ZC3H12B: variants seen among roughly 807,000 people sequenced by gnomAD.
ZC3H12B encodes the protein probable ribonuclease ZC3H12B.
Under a neutral mutation model 43.9 loss-of-function variants are expected in ZC3H12B, and 7 were observed. That is an observed-to-expected ratio of 0.16 (90% CI 0.09 to 0.30). The LOEUF (loss-of-function observed/expected upper bound fraction) is 0.30. Among genes scored for constraint, ZC3H12B ranks in the 10% least tolerant of loss-of-function variants. The pLI, the probability that ZC3H12B is intolerant of heterozygous loss-of-function variation, is 1.00. For missense variants in ZC3H12B, 475 were observed against 670.2 expected, an observed-to-expected ratio of 0.71 and a Z score of 3.22; for synonymous variants, 222 against 241.7, an observed-to-expected ratio of 0.92 and a Z score of 0.76.
chrX:65,483,516 G>A (rs1245371066), intron 3 of ZC3H12B, among the ~76,000 whole-genome samples: 1 of 111,061 alleles, frequency 9.0e-6, no homozygotes, highest in East Asian at 2.8e-4. Context: ...TTCTTTCTGG[G>A]GCTTGTGTAA....
At chrX:65,368,979 C>T (rs2066209883) in exon 2 of ZC3H12B, 1 of 111,818 alleles carries the variant, frequency 8.9e-6, no homozygotes, top group African/African-American at 3.2e-5. Context: ...AGACATTGGA[C>T]ATTTTTGAGG....
chrX:65,248,291 A>T, the ZC3H12B span, among the ~76,000 whole-genome samples: 1 of 111,125 alleles, frequency 9.0e-6, no homozygotes, highest in Admixed American at 9.6e-5. Flanking sequence ...TAGCCTCCCA[A>T]AGTGCTGGGA....
the ZC3H12B span, among the ~76,000 whole-genome samples, chrX:65,174,914 G>C: frequency 6.4e-5 from 7 of 108,863 alleles, no homozygotes; most frequent in African/African-American, 2.3e-4. Context: ...AGGTGCCAAT[G>C]GAGGAAAAAA....
the ZC3H12B span, among the ~76,000 whole-genome samples, chrX:65,218,777 A>G: frequency 1.8e-5 from 2 of 111,254 alleles, no homozygotes; most frequent in Non-Finnish European, 3.8e-5. Context: ...TGGGAGCTCT[A>G]TGGCCCCACC....
At chrX:65,362,841 A>G (rs977623728), upstream of ZC3H12B, among the ~76,000 whole-genome samples, 1 of 111,204 alleles carries the variant, frequency 9.0e-6, no homozygotes, top group Non-Finnish European at 1.9e-5. Flanking sequence ...TTAGTTCAGG[A>G]TCTGCACCTT....
Position 65,501,774 on chromosome X carries a change from G to A in ZC3H12B, c.1091-15G>A, listed in dbSNP as rs1200539327. ...TCACTGAGAGAGAGTCTTACCCCAA[G>A]GCATTATTTTTCAGGCAAAAAATGC... is the stretch of plus-strand genomic sequence containing the variant. On this transcript the variant is annotated splice_polypyrimidine_tract_variant and intron_variant, in intron 4 of 4. Coordinates refer to ENST00000338957, the Ensembl canonical transcript of ZC3H12B. 1 of 1,131,830 alleles carries A rather than the reference G, an allele frequency of 8.8e-7. No individual in the cohort carries two copies. The highest frequency in any genetic ancestry group is 1.2e-6 in the Non-Finnish European group (1 of 853,962). 93.3% of individuals were successfully genotyped at this position (1,131,830 alleles called of 1,213,427 possible). A position where few individuals can be genotyped will look rare whatever the true frequency, so the allele number is the denominator to read the frequency against.
At chrX:65,442,667 C>T (rs1031535719) in intron 3 of ZC3H12B, among the ~76,000 whole-genome samples, 1 of 112,271 alleles carries the variant, frequency 8.9e-6, no homozygotes, top group South Asian at 3.7e-4. Context: ...AAGAGTGTCC[C>T]AGTCAGTAGG....
At chrX:65,376,746 C>T (rs1474479550) in intron 2 of ZC3H12B, among the ~76,000 whole-genome samples, 6 of 111,795 alleles carry the variant, frequency 5.4e-5, no homozygotes, top group African/African-American at 9.8e-5. Flanking sequence ...ATACAGCTAA[C>T]GTCACAACAC....
chrX:65,107,786 G>A, the ZC3H12B span, among the ~76,000 whole-genome samples: 1 of 111,131 alleles, frequency 9.0e-6, no homozygotes, highest in Non-Finnish European at 1.9e-5. Flanking sequence ...TTTCCACCAT[G>A]ATTGTAAGTT....
chrX:65,217,703 A>G, the ZC3H12B span, among the ~76,000 whole-genome samples: 2 of 112,268 alleles, frequency 1.8e-5, no homozygotes, highest in African/African-American at 6.5e-5. Context: ...AAAGTTAATC[A>G]AAAGATGAAA....
chrX:65,254,137 C>A, the ZC3H12B span, among the ~76,000 whole-genome samples: 1 of 112,182 alleles, frequency 8.9e-6, no homozygotes. Context: ...TGCCAGCACT[C>A]CACCCCCCCA....
intron 3 of ZC3H12B, among the ~76,000 whole-genome samples, chrX:65,443,451 A>T (rs2067331937): frequency 8.9e-6 from 1 of 111,957 alleles, no homozygotes; most frequent in Non-Finnish European, 1.9e-5. Context: ...TGAAGTGGGA[A>T]ATCAGGGGTC....
At position 65,496,965 on chromosome X, in the gene ZC3H12B, GAAAAA is replaced by G. The variant is rs1250300419; in HGVS notation, c.609-163_609-159del. ...AGTGAGACCAAAAAAAAAAAAAAAA[GAAAAA>G]AAAGAAAAGAAAAGAAGCAAAAGGA... On this transcript the variant is annotated intron_variant, in intron 1 of 4. Transcript: ENST00000338957. Among the ~76,000 whole-genome samples the G allele has an allele frequency of 1.7e-4, 16 of 93,650 alleles. No individual in the cohort carries two copies. The Admixed American group carries it at 1.7e-3, about 10-fold the overall frequency. 81.3% of individuals were successfully genotyped at this position (93,650 alleles called of 115,157 possible). A position where few individuals can be genotyped will look rare whatever the true frequency, so the allele number is the denominator to read the frequency against.
the ZC3H12B span, among the ~76,000 whole-genome samples, chrX:65,300,446 T>G: frequency 9.0e-6 from 1 of 111,278 alleles, no homozygotes; most frequent in African/African-American, 3.3e-5. Context: ...ATAATCCTTC[T>G]GGGAATGCAA....
At chrX:65,171,284 TG>T in the ZC3H12B span, among the ~76,000 whole-genome samples, 2 of 111,683 alleles carry the variant, frequency 1.8e-5, no homozygotes, top group African/African-American at 6.5e-5. Flanking sequence ...GCTGCAGGTC[TG>T]TTGGAGTTTG....
chrX:65,115,270 T>A, the ZC3H12B span, among the ~76,000 whole-genome samples: 1 of 109,858 alleles, frequency 9.1e-6, no homozygotes, highest in Non-Finnish European at 1.9e-5. Context: ...TCCTCATAGC[T>A]TAGCTCCAAC....
the ZC3H12B span, among the ~76,000 whole-genome samples, chrX:65,225,777 C>G: frequency 2.7e-5 from 3 of 111,449 alleles, no homozygotes; most frequent in Admixed American, 1.9e-4. Context: ...GGGTATCAGT[C>G]ATGGAAGATG....
chrX:65,106,478 A>G, the ZC3H12B span, among the ~76,000 whole-genome samples: 5 of 111,778 alleles, frequency 4.5e-5, no homozygotes, highest in African/African-American at 1.6e-4. Flanking sequence ...GATTTGAAGA[A>G]GACAAGATCA....
At chrX:65,070,992 C>T in the ZC3H12B span, among the ~76,000 whole-genome samples, 2 of 108,309 alleles carry the variant, frequency 1.8e-5, no homozygotes, top group East Asian at 5.8e-4. Context: ...AGTTCAGGTC[C>T]TGAATTTTTT....
Sources: gnomAD v4.1 joint callset for allele counts (sites outside exome capture counted in the v4.1 genomes callset) on GRCh38, gnomAD v4.1.1 for gene constraint, MANE v1.5 for transcripts, NCBI Gene and HGNC (gene_info 2026-07-23, HGNC 2026-07-21) for gene names.